Variants in ARHGAP10 observed in about 807,000 individuals in gnomAD.
ARHGAP10 encodes the protein Rho GTPase activating protein 10.
ARHGAP10 carries 87 observed loss-of-function variants against 108.6 expected under a neutral mutation model. The observed-to-expected ratio is 0.80, with a 90% confidence interval of 0.67 to 0.96. ARHGAP10 has a LOEUF of 0.96. Among genes scored for constraint, ARHGAP10 ranks in the 40% least tolerant of loss-of-function variants. The probability of loss-of-function intolerance (pLI) is 0.00; values close to 1 mark genes in which losing one functional copy is unlikely to be tolerated. For missense variants in ARHGAP10, 939 were observed against 954.5 expected (o/e 0.98, Z 0.21); for synonymous variants, 347 against 341.1 (o/e 1.02, Z -0.19).
intron 11 of ARHGAP10, among the ~76,000 whole-genome samples, chr4:147,909,492 A>G (rs899656864): frequency 2.6e-5 from 4 of 152,210 alleles, no homozygotes; most frequent in Non-Finnish European, 5.9e-5. Context: ...ATAAACTCAC[A>G]TGTGACCAAA....
intron 18 of ARHGAP10, among the ~76,000 whole-genome samples, chr4:147,992,350 T>C (rs1740309074): frequency 6.6e-6 from 1 of 152,208 alleles, no homozygotes; most frequent in Admixed American, 6.5e-5. Context: ...CCCTCCCAGA[T>C]CTGCTCCCTC....
intron 19 of ARHGAP10, among the ~76,000 whole-genome samples, chr4:148,039,598 CCTAGGATA>C (rs1375973763): frequency 1.3e-5 from 2 of 151,756 alleles, no homozygotes; most frequent in African/African-American, 4.8e-5. Flanking sequence ...CCACACCCGG[CCTAGGATA>C]CTACTTCAAT....
chr4:147,798,759 CTCTCTCTCTCTCTCTCTCTCTCTATA>C (rs1385999376), intron 1 of ARHGAP10, among the ~76,000 whole-genome samples: 18 of 44,118 alleles, frequency 4.1e-4, no homozygotes, highest in African/African-American at 6.8e-4. Context: ...CTCTCTCTCT[CTCTCTCTCTCTCTCTCTCTCTCTATA>C]TATATATATA....
At chr4:148,009,287 A>G (rs1358154295) in intron 18 of ARHGAP10, among the ~76,000 whole-genome samples, 2 of 152,084 alleles carry the variant, frequency 1.3e-5, no homozygotes, top group Admixed American at 6.6e-5. Flanking sequence ...GCACACCACC[A>G]TGCTTGGCTA....
At position 147,735,708 on chromosome 4, in the gene ARHGAP10, G is replaced by A. The variant is rs1309763535; in HGVS notation, c.154+3253G>A. Among the ~76,000 whole-genome samples, 3 of 152,164 alleles carry A rather than the reference G, an allele frequency of 2.0e-5. No individual in the cohort carries two copies. The East Asian group carries it at 5.8e-4, about 29-fold the overall frequency. ...TGTGTAGGGTGAAGTTGGGGATAGCGCTAGGGGTGGGGAGGAACTCCAGAG... is the reference window on the plus strand; with the variant it reads ...TGTGTAGGGTGAAGTTGGGGATAGCACTAGGGGTGGGGAGGAACTCCAGAG... On this transcript the variant is annotated intron_variant, in intron 1 of 22. Coordinates refer to ENST00000336498, the MANE Select transcript of ARHGAP10 (RefSeq NM_024605.4).
intron 1 of ARHGAP10, among the ~76,000 whole-genome samples, chr4:147,764,235 GAGTAATGTGAGATGAGGGTGGGAA>G (rs1490576653): frequency 6.6e-6 from 1 of 152,102 alleles, no homozygotes; most frequent in Non-Finnish European, 1.5e-5. Flanking sequence ...TTTGGTGGGG[GAGTAATGTGAGATGAGGGTGGGAA>G]AGTAGCCTTC....
intron 3 of ARHGAP10, among the ~76,000 whole-genome samples, chr4:147,837,588 G>A (rs1472556079): frequency 6.8e-6 from 1 of 147,072 alleles, no homozygotes; most frequent in Non-Finnish European, 1.5e-5. Context: ...TGGAAGAACT[G>A]CTGCCTCTGG....
At chr4:148,046,754 C>A in intron 19 of ARHGAP10, 138 bp from the exon 20 acceptor site, 2 of 741,122 alleles carry the variant, frequency 2.7e-6, no homozygotes, top group South Asian at 2.9e-5. Flanking sequence ...AAAGACAGGA[C>A]ACCCAGATAC....
At chr4:147,812,728 C>G (rs997687419) in intron 1 of ARHGAP10, among the ~76,000 whole-genome samples, 1 of 152,212 alleles carries the variant, frequency 6.6e-6, no homozygotes, top group African/African-American at 2.4e-5. Flanking sequence ...GTTCCCCACA[C>G]CGAGGCAGCA....
At chr4:147,978,921 A>C (rs1468635367) in intron 18 of ARHGAP10, among the ~76,000 whole-genome samples, 1 of 151,806 alleles carries the variant, frequency 6.6e-6, no homozygotes, top group Admixed American at 6.6e-5. Context: ...TTTTTTCTTA[A>C]TTATTCATTT....
At chr4:147,891,223 A>C (rs1025449487) in intron 10 of ARHGAP10, among the ~76,000 whole-genome samples, 21 of 152,344 alleles carry the variant, frequency 1.4e-4, no homozygotes, top group African/African-American at 4.3e-4. Flanking sequence ...AATAGAAACA[A>C]CCTAAATGTC....
intron 1 of ARHGAP10, among the ~76,000 whole-genome samples, chr4:147,747,090 G>A (rs190611679): frequency 3.0e-4 from 45 of 152,146 alleles, no homozygotes; most frequent in Admixed American, 7.9e-4. Flanking sequence ...CAGAAAGGCC[G>A]CTGTTTCAGG....
At chr4:147,865,553 T>A (rs555354899) in intron 6 of ARHGAP10, 11 of 151,164 alleles carry the variant, frequency 7.3e-5, no homozygotes, top group African/African-American at 2.7e-4. Flanking sequence ...TATCATAATG[T>A]AAAGGATATT....
At position 147,901,721 on chromosome 4, in the gene ARHGAP10, C is replaced by G. The variant is rs1369559460; in HGVS notation, c.1035-4917C>G. On this transcript the variant is annotated intron_variant, in intron 10 of 22. Coordinates refer to ENST00000336498, the MANE Select transcript of ARHGAP10 (RefSeq NM_024605.4). ...TTCCCTTACTTCAGTATTTGTACTTCTAGTCATAACTCTTTAAGCCCTTCA... is the reference window on the plus strand; with the variant it reads ...TTCCCTTACTTCAGTATTTGTACTTGTAGTCATAACTCTTTAAGCCCTTCA... 4.6e-5 allele frequency among the ~76,000 whole-genome samples: 7 copies of G among 152,178 alleles called. No homozygotes were observed. The South Asian group carries it at 1.4e-3, about 31-fold the overall frequency.
At chr4:147,947,107 G>A (rs188719967) in intron 15 of ARHGAP10, among the ~76,000 whole-genome samples, 4 of 152,140 alleles carry the variant, frequency 2.6e-5, no homozygotes, top group South Asian at 4.2e-4. Flanking sequence ...ACATGTCAAT[G>A]CAAAGCTCTT....
intron 16 of ARHGAP10, among the ~76,000 whole-genome samples, chr4:147,962,400 G>A (rs529260375): frequency 2.0e-5 from 3 of 152,216 alleles, no homozygotes; most frequent in Non-Finnish European, 2.9e-5. Flanking sequence ...AGTGCTTTAT[G>A]TATGTTACAG....
intron 4 of ARHGAP10, among the ~76,000 whole-genome samples, chr4:147,856,921 C>T (rs1734111267): frequency 6.6e-6 from 1 of 152,278 alleles, no homozygotes; most frequent in African/African-American, 2.4e-5. Flanking sequence ...GGTGTGATCT[C>T]GATTCACTGC....
At chr4:147,972,622 A>C (rs1257498363) in intron 18 of ARHGAP10, among the ~76,000 whole-genome samples, 1 of 152,204 alleles carries the variant, frequency 6.6e-6, no homozygotes, top group African/African-American at 2.4e-5. Flanking sequence ...GGATCAGGTC[A>C]GTGCTAGTGT....
intron 10 of ARHGAP10, among the ~76,000 whole-genome samples, chr4:147,889,850 AT>A (rs1735724435): frequency 6.6e-6 from 1 of 152,210 alleles, no homozygotes; most frequent in African/African-American, 2.4e-5. Context: ...TTTAGATCAG[AT>A]TTGGTTGCAT....
Sources: allele counts gnomAD v4.1 joint callset (sites outside exome capture counted in the v4.1 genomes callset), GRCh38; gene constraint gnomAD v4.1.1; transcripts MANE v1.5; gene names NCBI Gene and HGNC (gene_info 2026-07-23, HGNC 2026-07-21).